Variants in ZNF384 observed in about 807,000 individuals in gnomAD.
The protein encoded by ZNF384 is CAG repeat protein 1.
In ZNF384, 20 loss-of-function variants were observed where a neutral mutation model predicts 65.0. The ratio of observed to expected loss-of-function variants is 0.31; its 90% confidence interval spans 0.22 to 0.45. ZNF384 has a LOEUF of 0.45. ZNF384 is among the 20% of genes least tolerant of loss of function. The probability of loss-of-function intolerance (pLI) is 1.00; values close to 1 mark genes in which losing one functional copy is unlikely to be tolerated. For missense variants in ZNF384, 549 were observed against 769.4 expected (o/e 0.71, Z 3.39); for synonymous variants, 310 against 303.9 (o/e 1.02, Z -0.21).
rs3835029 is a variant in ZNF384 at position 6,667,903 on chromosome 12, TTGCTGCTGCTGCTGCTGCTGCTGCTGC to T, written c.1611_1637del (p.Gln539_Gln547del). 2.5e-5 allele frequency: 39 copies of T among 1,547,598 alleles called. No homozygotes were observed. In the African/African-American group the frequency reaches 2.8e-4, roughly 11 times the overall value. On this transcript the variant is annotated inframe_deletion, in exon 12 of 12. Coordinates refer to ENST00000683879, the MANE Select transcript of ZNF384 (RefSeq NM_001385745.1). ...GAGACTGGAAGTGTGGTGGTGGCTG[TTGCTGCTGCTGCTGCTGCTGCTGCTGC>T]TGCTGCTGCTGCTGCTGTGATGCCT... is the stretch of plus-strand genomic sequence containing the variant.
chr12:6,684,736 C>T (rs752365774), intron 2 of ZNF384, among the ~76,000 whole-genome samples: 17 of 152,142 alleles, frequency 1.1e-4, no homozygotes, highest in Non-Finnish European at 2.5e-4. Context: ...TGCTATGCCA[C>T]TGTGCTACTG....
At chr12:6,679,847 C>T (rs536880542) in intron 2 of ZNF384, among the ~76,000 whole-genome samples, 1 of 152,150 alleles carries the variant, frequency 6.6e-6, no homozygotes, top group Non-Finnish European at 1.5e-5. Flanking sequence ...ACTGAGCTCA[C>T]GAGAGGGGAG....
chr12:6,678,503 C>T lies in ZNF384; in HGVS notation c.353-43G>A. ...AGGAGATGGCGTCATGTTGTTCAGT[C>T]CTGATCCTAATCCTATTTCATTTCC... On this transcript the variant is annotated intron_variant, in intron 5 of 11. Coordinates refer to ENST00000683879, the MANE Select transcript of ZNF384 (RefSeq NM_001385745.1). This position sits in a 1 kb window ranked among gnomAD's most constrained non-coding sequence, Gnocchi z 4.9. The T allele has an allele frequency of 6.4e-7, 1 of 1,550,762 alleles. No individual in the cohort carries two copies. The highest frequency in any genetic ancestry group is 2.3e-5 in the East Asian group (1 of 43,282).
chr12:6,669,938 GCGCGCA>G (rs1373870248), intron 10 of ZNF384, among the ~76,000 whole-genome samples: 2 of 138,460 alleles, frequency 1.4e-5, no homozygotes, highest in African/African-American at 4.9e-5. Context: ...GCACACGCGC[GCGCGCA>G]CACACACACA....
chr12:6,669,527 T>C (rs1950687637), intron 10 of ZNF384, among the ~76,000 whole-genome samples: 1 of 150,492 alleles, frequency 6.6e-6, no homozygotes, highest in Non-Finnish European at 1.5e-5. Flanking sequence ...AGATGAAGTC[T>C]CTCACTCTGT....
Position 6,678,464 on chromosome 12 carries a change from G to C in ZNF384, c.353-4C>G. On this transcript the variant is annotated splice_region_variant and splice_polypyrimidine_tract_variant and intron_variant, in intron 5 of 11. Coordinates refer to ENST00000683879, the MANE Select transcript of ZNF384 (RefSeq NM_001385745.1). The surrounding 1 kb of genome is among the most constrained non-coding windows in gnomAD (Gnocchi z 4.9). ...GACGTGATTACCAAACCCGGACCTAGGATTGGGAGAAAAAGGAGATGGCGT... is the reference window on the plus strand; with the variant it reads ...GACGTGATTACCAAACCCGGACCTACGATTGGGAGAAAAAGGAGATGGCGT... The C allele has an allele frequency of 6.4e-7, 1 of 1,574,556 alleles. No homozygotes were observed. Among genetic ancestry groups the C allele is most frequent in the Non-Finnish European group, 8.6e-7 (1 of 1,158,924 alleles).
chr12:6,678,811 C>T lies in ZNF384; in HGVS notation c.305-101G>A, dbSNP rs896877577. 6.4e-5 allele frequency: 95 copies of T among 1,480,856 alleles called. No individual in the cohort carries two copies. In the Admixed American group the frequency reaches 8.9e-4, roughly 14 times the overall value. The allele number at this position is 1,480,856 out of a possible 1,614,324, so 91.7% of individuals were successfully genotyped here. ...AATGCCTAGCACATTGCTAGGCACACAGTAGGCACTTAATAAAAATTTGAT... is the reference window on the plus strand; with the variant it reads ...AATGCCTAGCACATTGCTAGGCACATAGTAGGCACTTAATAAAAATTTGAT... On this transcript the variant is annotated intron_variant, in intron 4 of 11. Coordinates refer to ENST00000683879, the MANE Select transcript of ZNF384 (RefSeq NM_001385745.1). This position sits in a 1 kb window ranked among gnomAD's most constrained non-coding sequence, Gnocchi z 4.9.
rs1279702419 is a variant in ZNF384, at chr12:6,678,529, C to T, written c.353-69G>A. The T allele has an allele frequency of 9.7e-6, 15 of 1,538,892 alleles. No homozygotes were observed. The highest frequency in any genetic ancestry group is 1.3e-5 in the Non-Finnish European group (15 of 1,128,682). ...CTGATCCTAATCCTATTTCATTTCCCCCAGATCATTGTCTAATTAACCCCT... is the reference window on the plus strand; with the variant it reads ...CTGATCCTAATCCTATTTCATTTCCTCCAGATCATTGTCTAATTAACCCCT... On this transcript the variant is annotated intron_variant, in intron 5 of 11. Coordinates refer to ENST00000683879, the MANE Select transcript of ZNF384 (RefSeq NM_001385745.1). The surrounding 1 kb of genome is among the most constrained non-coding windows in gnomAD (Gnocchi z 4.9).
intron 2 of ZNF384, among the ~76,000 whole-genome samples, chr12:6,683,521 T>C (rs1049698216): frequency 5.3e-5 from 8 of 150,058 alleles, no homozygotes; most frequent in African/African-American, 1.5e-4. Flanking sequence ...CTAATAAAAA[T>C]ACAAAAATTA....
At chr12:6,679,246 C>G in intron 3 of ZNF384, 63 bp from the exon 4 acceptor site, 1 of 1,435,390 alleles carries the variant, frequency 7.0e-7, no homozygotes, top group South Asian at 1.3e-5. Context: ...TCTGCTTGCT[C>G]GTGAGCACAC....
chr12:6,679,261 G>GT, intron 3 of ZNF384, 78 bp from the exon 4 acceptor site: 1 of 1,369,628 alleles, frequency 7.3e-7, no homozygotes, highest in Non-Finnish European at 1.0e-6. Flanking sequence ...GCACACTTCA[G>GT]TGTCTGTCCT....
intron 7 of ZNF384, among the ~76,000 whole-genome samples, chr12:6,676,650 A>G (rs1404459270): frequency 6.6e-6 from 1 of 152,236 alleles, no homozygotes; most frequent in Non-Finnish European, 1.5e-5. Context: ...ATATAGATGT[A>G]TCTCCATCTC....
chr12:6,685,660 C>CTACTCAGG (rs1278134609), intron 2 of ZNF384, among the ~76,000 whole-genome samples: 2 of 151,870 alleles, frequency 1.3e-5, no homozygotes, highest in Non-Finnish European at 2.9e-5. Context: ...GTAATCCCAA[C>CTACTCAGG]TACTCAGGAG....
rs141968363 is a variant in ZNF384 at position 6,686,442 on chromosome 12, C to T, written c.-6+1725G>A. 7.6e-3 allele frequency among the ~76,000 whole-genome samples: 1,153 copies of T among 152,244 alleles called. 15 individuals carry two copies. The highest frequency in any genetic ancestry group is 0.024 in the African/African-American group (996 of 41,526). The stretch of plus-strand genomic sequence containing the variant: ...ATAATTTTTGTATTTCTAGTAGAGA[C>T]GGGATTTTGCTATGTTGGCCAGGCT... On this transcript the variant is annotated intron_variant, in intron 2 of 11. Transcript: ENST00000683879.
chr12:6,683,114 A>T (rs1233507442), intron 2 of ZNF384, among the ~76,000 whole-genome samples: 1 of 151,516 alleles, frequency 6.6e-6, no homozygotes, highest in Non-Finnish European at 1.5e-5. Context: ...AACATGGTGA[A>T]ACCCCATCTC....
intron 11 of ZNF384, among the ~76,000 whole-genome samples, chr12:6,668,413 T>C (rs1950312295): frequency 6.6e-6 from 1 of 152,062 alleles, no homozygotes; most frequent in Non-Finnish European, 1.5e-5. Flanking sequence ...ATGGAAAATA[T>C]CTAACTGGGC....
At chr12:6,681,151 G>A (rs1407723612) in intron 2 of ZNF384, among the ~76,000 whole-genome samples, 4 of 151,778 alleles carry the variant, frequency 2.6e-5, no homozygotes, top group African/African-American at 4.8e-5. Flanking sequence ...CCCAGGAGGC[G>A]GAGGTTGCAG....
At chr12:6,685,264 A>C (rs1269873042) in intron 2 of ZNF384, among the ~76,000 whole-genome samples, 1 of 151,816 alleles carries the variant, frequency 6.6e-6, no homozygotes. Context: ...TCGAGGCTGC[A>C]GTCAGCCATT....
chr12:6,669,076 A>G lies in ZNF384; in HGVS notation c.1380T>C (p.His460=), dbSNP rs145427878. The change falls in exon 11 of 12, where the codon CAT becomes CAC. Residue 460 remains histidine, a synonymous_variant. Transcript: ENST00000683879. ...AGATAGTGCAGGTGTACACCTTGGC[A>G]TGCTTCACTGTGTGCGTAGACAGGT... The part of the protein sequence containing the change: ...EVHLSTHTVK[H]AKVYTCTICS... 24 of 1,613,744 alleles carry G rather than the reference A, an allele frequency of 1.5e-5. No individual in the cohort carries two copies. The highest frequency in any genetic ancestry group is 2.0e-5 in the Non-Finnish European group (24 of 1,179,832).
Sources: allele counts gnomAD v4.1 joint callset (sites outside exome capture counted in the v4.1 genomes callset), GRCh38; gene constraint gnomAD v4.1.1; non-coding constraint Gnocchi (gnomAD v3.1); transcripts MANE v1.5; gene names NCBI Gene and HGNC (gene_info 2026-07-23, HGNC 2026-07-21).